The following DIAPH3 variants were observed in gnomAD, a reference collection of about 807,000 sequenced individuals.
The protein encoded by DIAPH3 is diaphanous related formin 3.
DIAPH3 carries 117 observed loss-of-function variants against 144.3 expected under a neutral mutation model. That is an observed-to-expected ratio of 0.81 (90% CI 0.70 to 0.95). The LOEUF (loss-of-function observed/expected upper bound fraction) is 0.95, where lower values mean the gene tolerates loss of function less well. Among genes scored for constraint, DIAPH3 ranks in the 40% least tolerant of loss-of-function variants. The pLI, the probability that DIAPH3 is intolerant of heterozygous loss-of-function variation, is 0.00. For synonymous variants in DIAPH3, 519 were observed against 488.9 expected, an observed-to-expected ratio of 1.06 and a Z score of -0.81; for missense variants, 1,421 against 1,412.7, an observed-to-expected ratio of 1.01 and a Z score of -0.09.
rs529321156 is a variant in DIAPH3, at chr13:59,744,382, A to G, written c.3319+29807T>C. ...TATTCTGTTAGGCATTAGGGAATCA[A>G]CGATGAAGAAGATGGTCTCTGCCCT... On this transcript the variant is annotated intron_variant, in intron 27 of 27. Transcript: ENST00000400324. 1.1e-3 allele frequency among the ~76,000 whole-genome samples: 164 copies of G among 152,316 alleles called. 1 individual carries two copies. The highest frequency in any genetic ancestry group is 1.8e-3 in the Non-Finnish European group (121 of 68,018).
At chr13:60,158,906 TAAAAAAAAAA>T (rs71197285) in intron 1 of DIAPH3, among the ~76,000 whole-genome samples, 1 of 76,914 alleles carries the variant, frequency 1.3e-5, no homozygotes, top group Non-Finnish European at 2.4e-5. Context: ...TGGCCCCTCT[TAAAAAAAAAA>T]AAAAAAAAAA....
At chr13:59,964,341 G>A (rs2049933751) in intron 17 of DIAPH3, among the ~76,000 whole-genome samples, 1 of 151,930 alleles carries the variant, frequency 6.6e-6, no homozygotes, top group African/African-American at 2.4e-5. Flanking sequence ...GGAGAAAAAA[G>A]AAGGAAAAAG....
chr13:59,924,988 G>C (rs974190653), intron 17 of DIAPH3, 118 bp from the exon 18 acceptor site: 87 of 1,447,974 alleles, frequency 6.0e-5, no homozygotes, highest in Non-Finnish European at 7.1e-5. Context: ...CTAAATAAAA[G>C]TTATAAAAAC....
Position 59,859,596 on chromosome 13 carries a change from T to C in DIAPH3, c.2737+1811A>G, listed in dbSNP as rs187147144. ...ACTCCCGGTGTATTTCAAGGCACTT[T>C]GTACCTACCATGTTTTCATCCACTA... On this transcript the variant is annotated intron_variant, in intron 22 of 27. Coordinates refer to ENST00000400324, the MANE Select transcript of DIAPH3 (RefSeq NM_001042517.2). 3.2e-4 allele frequency among the ~76,000 whole-genome samples: 48 copies of C among 152,320 alleles called. 1 individual carries two copies. The highest frequency in any genetic ancestry group is 1.1e-3 in the African/African-American group (46 of 41,566).
chr13:59,953,352 T>C (rs2049202674), intron 17 of DIAPH3, among the ~76,000 whole-genome samples: 1 of 152,142 alleles, frequency 6.6e-6, no homozygotes, highest in Non-Finnish European at 1.5e-5. Context: ...AATAAAATGT[T>C]TCCAGAAGCT....
intron 21 of DIAPH3, among the ~76,000 whole-genome samples, chr13:59,877,805 G>A (rs957498819): frequency 1.3e-5 from 2 of 151,728 alleles, no homozygotes; most frequent in Non-Finnish European, 2.9e-5. Context: ...TGCAAAGGTA[G>A]TAGGCCACTC....
chr13:59,869,686 T>C (rs943326004), intron 21 of DIAPH3, among the ~76,000 whole-genome samples: 10 of 152,076 alleles, frequency 6.6e-5, no homozygotes, highest in African/African-American at 2.4e-4. Flanking sequence ...AAAGCAATCT[T>C]TCTACACCTG....
rs1161231796 is a variant in DIAPH3 at position 59,981,619 on chromosome 13, G to A, written c.1481-760C>T. Reference sequence around the variant, plus strand: ...AATACAATGTAGAAGTAATTCATATGGATTTCCCATATGTTATCCCTTCTT... The same window carrying A: ...AATACAATGTAGAAGTAATTCATATAGATTTCCCATATGTTATCCCTTCTT... On this transcript the variant is annotated intron_variant, in intron 13 of 27. Coordinates refer to ENST00000400324, the MANE Select transcript of DIAPH3 (RefSeq NM_001042517.2). Among the ~76,000 whole-genome samples, 4 of 150,728 alleles carry A rather than the reference G, an allele frequency of 2.7e-5. No individual in the cohort carries two copies. The East Asian group carries it at 7.8e-4, about 29-fold the overall frequency.
intron 7 of DIAPH3, chr13:60,013,318 G>T (rs138042025): frequency 7.9e-6 from 5 of 631,258 alleles, no homozygotes; most frequent in Non-Finnish European, 7.9e-6. Context: ...CGTGTAGGAC[G>T]CCCAACATCT....
chr13:60,027,139 G>C (rs1025947616), intron 5 of DIAPH3, among the ~76,000 whole-genome samples: 8 of 152,196 alleles, frequency 5.3e-5, no homozygotes, highest in Non-Finnish European at 7.4e-5. Flanking sequence ...CCTTTACCAA[G>C]GTGACTAAAT....
intron 27 of DIAPH3, among the ~76,000 whole-genome samples, chr13:59,763,962 A>G (rs2139210111): frequency 6.6e-6 from 1 of 152,122 alleles, no homozygotes; most frequent in South Asian, 2.1e-4. Context: ...GGAGCAGAGT[A>G]GTACCAGAAA....
intron 5 of DIAPH3, among the ~76,000 whole-genome samples, chr13:60,027,949 G>A (rs2054498050): frequency 6.6e-6 from 1 of 152,050 alleles, no homozygotes; most frequent in African/African-American, 2.4e-5. Context: ...ACCCAATGCT[G>A]GTCAGAGCAG....
At chr13:59,802,574 T>A (rs2039964163) in intron 25 of DIAPH3, among the ~76,000 whole-genome samples, 3 of 147,464 alleles carry the variant, frequency 2.0e-5, no homozygotes, top group Admixed American at 1.4e-4. Context: ...AAGTTTTTTT[T>A]TTTTACTTCA....
intron 2 of DIAPH3, among the ~76,000 whole-genome samples, chr13:60,132,173 G>A (rs1050537952): frequency 6.6e-6 from 1 of 152,090 alleles, no homozygotes; most frequent in African/African-American, 2.4e-5. Flanking sequence ...ATTCGTCTTT[G>A]TATTCTGCCT....
intron 21 of DIAPH3, among the ~76,000 whole-genome samples, chr13:59,869,978 A>G (rs1166091855): frequency 7.9e-5 from 12 of 152,146 alleles, no homozygotes; most frequent in Admixed American, 6.5e-5. Flanking sequence ...TTAAATTTTA[A>G]TAAAGTTCAA....
chr13:59,840,975 G>A (rs2042310248), intron 22 of DIAPH3, among the ~76,000 whole-genome samples: 2 of 151,982 alleles, frequency 1.3e-5, no homozygotes, highest in Non-Finnish European at 1.5e-5. Context: ...ATACCTTGCT[G>A]TGCATTGCTC....
intron 5 of DIAPH3, among the ~76,000 whole-genome samples, chr13:60,016,611 A>C (rs1378287095): frequency 6.6e-6 from 1 of 152,236 alleles, no homozygotes; most frequent in African/African-American, 2.4e-5. Flanking sequence ...AAAGATGTAG[A>C]TCAACATAAA....
intron 27 of DIAPH3, among the ~76,000 whole-genome samples, chr13:59,763,293 T>C (rs1335352641): frequency 7.6e-6 from 1 of 130,972 alleles, no homozygotes; most frequent in Non-Finnish European, 1.6e-5. Flanking sequence ...TATTCACATA[T>C]ATGTATATAC....
intron 25 of DIAPH3, among the ~76,000 whole-genome samples, chr13:59,805,759 CTTAG>C (rs1385710348): frequency 6.6e-6 from 1 of 151,900 alleles, no homozygotes; most frequent in African/African-American, 2.4e-5. Flanking sequence ...AGACTGCTTT[CTTAG>C]TTTGGTTGCT....
Sources: gnomAD v4.1 joint callset for allele counts (sites outside exome capture counted in the v4.1 genomes callset) on GRCh38, gnomAD v4.1.1 for gene constraint, MANE v1.5 for transcripts, NCBI Gene and HGNC (gene_info 2026-07-23, HGNC 2026-07-21) for gene names.